ABCC1: variants seen among roughly 807,000 people sequenced by gnomAD.
ABCC1 encodes the protein multidrug resistance-associated protein 1.
Under a neutral mutation model 172.9 loss-of-function variants are expected in ABCC1, and 83 were observed. The ratio of observed to expected loss-of-function variants is 0.48; its 90% CI spans 0.40 to 0.58. The LOEUF (loss-of-function observed/expected upper bound fraction) is 0.58. Among genes scored for constraint, ABCC1 ranks in the 20% least tolerant of loss-of-function variants. The pLI, the probability that ABCC1 is intolerant of heterozygous loss-of-function variation, is 0.00. For synonymous variants in ABCC1, 937 were observed against 825.2 expected, an observed-to-expected ratio of 1.14 and a Z score of -2.32; for missense variants, 1,817 against 2,002.7, an observed-to-expected ratio of 0.91 and a Z score of 1.77.
intron 19 of ABCC1, among the ~76,000 whole-genome samples, chr16:16,099,665 A>G (rs1445155740): frequency 6.6e-6 from 1 of 152,194 alleles, no homozygotes; most frequent in Non-Finnish European, 1.5e-5. Flanking sequence ...GACGGTTCAA[A>G]TCCTGGGAGA....
At chr16:16,053,674 C>T (rs748218188) in intron 11 of ABCC1, among the ~76,000 whole-genome samples, 2 of 148,256 alleles carry the variant, frequency 1.3e-5, no homozygotes, top group Non-Finnish European at 3.0e-5. Context: ...GTAGTCCCAG[C>T]TACTTGGGAG....
intron 1 of ABCC1, among the ~76,000 whole-genome samples, chr16:15,995,308 A>C (rs1025495026): frequency 1.3e-5 from 2 of 152,110 alleles, no homozygotes; most frequent in Non-Finnish European, 2.9e-5. Flanking sequence ...TGATGCAACT[A>C]ATGAATCTTC....
Position 16,036,487 on chromosome 16 carries a change from C to G in ABCC1, c.693C>G (p.Gly231=). 6.2e-7 allele frequency: 1 copy of G among 1,613,642 alleles called. No individual in the cohort carries two copies. Among genetic ancestry groups the G allele is most frequent in the Admixed American group, 1.7e-5 (1 of 59,962 alleles). The part of the protein sequence containing the change: ...FWWITGLIVR[G]YRQPLEGSDL... ...TTGGCCCCAGGTTGATTGTCCGGGGCTACCGCCAGCCCCTGGAGGGCAGTG... is the reference window on the plus strand; with the variant it reads ...TTGGCCCCAGGTTGATTGTCCGGGGGTACCGCCAGCCCCTGGAGGGCAGTG... The change falls in exon 7 of 31, where the codon GGC becomes GGG. Residue 231 remains glycine, a synonymous_variant. Transcript: ENST00000399410.
At chr16:16,043,856 C>T (rs1456426664) in intron 7 of ABCC1, among the ~76,000 whole-genome samples, 2 of 152,210 alleles carry the variant, frequency 1.3e-5, no homozygotes, top group South Asian at 2.1e-4. Context: ...GCCACCTTGG[C>T]CTCCCAAAGT....
At chr16:16,081,428 G>T (rs995343472) in intron 16 of ABCC1, among the ~76,000 whole-genome samples, 1 of 152,112 alleles carries the variant, frequency 6.6e-6, no homozygotes, top group African/African-American at 2.4e-5. Context: ...TGCTATCCTG[G>T]CACTATTAGC....
At chr16:16,014,723 G>A in intron 4 of ABCC1, 95 bp downstream of exon 4, 1 of 1,449,570 alleles carries the variant, frequency 6.9e-7, no homozygotes, top group Non-Finnish European at 9.4e-7. Flanking sequence ...GCGTTGCCAT[G>A]GGAACCAGGG....
chr16:15,949,869 C>T, intron 1 of ABCC1, 70 bp downstream of exon 1: 1 of 1,144,476 alleles, frequency 8.7e-7, no homozygotes, highest in Non-Finnish European at 1.1e-6. Context: ...GCACCGGGCC[C>T]GCAGCCGCCC....
intron 1 of ABCC1, among the ~76,000 whole-genome samples, chr16:15,961,254 C>T (rs1201535395): frequency 8.5e-5 from 13 of 152,132 alleles, no homozygotes; most frequent in Admixed American, 8.5e-4. Context: ...TTTCCCCACT[C>T]CCCAGTTGCC....
chr16:16,006,871 C>CAGTGGCGGTGGT (rs1555480300), intron 1 of ABCC1, among the ~76,000 whole-genome samples: 6,122 of 148,116 alleles, frequency 0.041, 441 homozygotes, highest in African/African-American at 0.14. Context: ...GTGGCGGTGG[C>CAGTGGCGGTGGT]GGTGGCGGTG....
intron 18 of ABCC1, among the ~76,000 whole-genome samples, chr16:16,088,118 TGTATGC>T (rs1174391749): frequency 9.6e-6 from 1 of 104,456 alleles, no homozygotes; most frequent in Non-Finnish European, 2.2e-5. Context: ...AATATATGTG[TGTATGC>T]GTGTGTGTGT....
At position 16,090,546 on chromosome 16, in the gene ABCC1, A is replaced by C; in HGVS notation, c.2602A>C (p.Thr868Pro). Residue 868 changes from threonine to proline, a missense_variant, in exon 19 of 31, where the codon ACC (threonine) becomes CCC (proline). Thr to Pro is a conservative substitution (Grantham distance 38). Coordinates refer to ENST00000399410, the MANE Select transcript of ABCC1 (RefSeq NM_004996.4). ...CGGCGCCTTCGCTGAGTTCCTGCGT[A>C]CCTATGCCAGCACAGAGCAGGAGCA... ...RDGAFAEFLR[T>P]YASTEQEQDA... 1 of 1,613,222 alleles carries C rather than the reference A, an allele frequency of 6.2e-7. No homozygotes were observed. Among genetic ancestry groups the C allele is most frequent in the Non-Finnish European group, 8.5e-7 (1 of 1,179,542 alleles).
At chr16:15,957,800 G>C (rs1334903255) in intron 1 of ABCC1, among the ~76,000 whole-genome samples, 4 of 152,024 alleles carry the variant, frequency 2.6e-5, no homozygotes, top group Admixed American at 2.6e-4. Flanking sequence ...CAGTATGTTG[G>C]CCAGCATGGC....
rs45531136 is a variant in ABCC1, at chr16:16,106,810, A to G, written c.2808A>G (p.Lys936=). ...ACAACAGCACCGCAGAACTGCAGAA[A>G]GCTGAGGCCAAGAAGGAGGAGACCT... The part of the protein sequence containing the change: ...RHHNSTAELQ[K]AEAKKEETWK... Residue 936 remains lysine (K), a synonymous_variant, in exon 21 of 31, where the codon AAA becomes AAG. Transcript: ENST00000399410. 70 of 1,614,160 alleles carry G rather than the reference A, an allele frequency of 4.3e-5. No homozygotes were observed. The African/African-American group carries it at 8.5e-4, about 20-fold the overall frequency.
chr16:16,033,607 A>C (rs144349057), intron 6 of ABCC1, among the ~76,000 whole-genome samples: 1 of 152,162 alleles, frequency 6.6e-6, no homozygotes, highest in African/African-American at 2.4e-5. Flanking sequence ...AGACATCTAG[A>C]GGTAACCAGT....
At chr16:16,054,883 A>G (rs1328451525) in intron 11 of ABCC1, among the ~76,000 whole-genome samples, 1 of 152,238 alleles carries the variant, frequency 6.6e-6, no homozygotes, top group African/African-American at 2.4e-5. Flanking sequence ...TGCACTGCAC[A>G]AGTATCCACT....
rs761417689 is a variant in ABCC1, at chr16:16,071,743, C to T, written c.1912+14C>T. On this transcript the variant is annotated intron_variant, in intron 14 of 30. Transcript: ENST00000399410. ...CTGTCAAAGACGGTGTGTGTGTGTTCAGTCCTGGCTTCTGGAAGTGGCCGC... is the reference window on the plus strand; with the variant it reads ...CTGTCAAAGACGGTGTGTGTGTGTTTAGTCCTGGCTTCTGGAAGTGGCCGC... 18 of 1,608,950 alleles carry T rather than the reference C, an allele frequency of 1.1e-5. 1 individual carries two copies. In the South Asian group the frequency reaches 2.0e-4, roughly 18 times the overall value.
At chr16:16,113,764 A>G (rs1007786903) in intron 22 of ABCC1, among the ~76,000 whole-genome samples, 3 of 152,206 alleles carry the variant, frequency 2.0e-5, no homozygotes, top group Admixed American at 1.3e-4. Context: ...TAAAACAGCG[A>G]TCCCTAGCCT....
At chr16:16,111,071 A>G (rs892661548) in intron 21 of ABCC1, among the ~76,000 whole-genome samples, 4 of 151,996 alleles carry the variant, frequency 2.6e-5, no homozygotes, top group South Asian at 2.1e-4. Context: ...GGCTAACTTT[A>G]TATTTTTAAT....
At chr16:15,992,731 C>T (rs887904417) in intron 1 of ABCC1, among the ~76,000 whole-genome samples, 3 of 152,136 alleles carry the variant, frequency 2.0e-5, no homozygotes, top group Admixed American at 1.3e-4. Flanking sequence ...GTGAATTAGG[C>T]GATGCCATGA....
Sources: allele counts gnomAD v4.1 joint callset (sites outside exome capture counted in the v4.1 genomes callset), GRCh38; gene constraint gnomAD v4.1.1; transcripts MANE v1.5; gene names NCBI Gene and HGNC (gene_info 2026-07-23, HGNC 2026-07-21).